The following NICOL1 variants were observed in gnomAD, a reference collection of about 807,000 sequenced individuals.
NICOL1 encodes the protein NELL2 interacting cell ontogeny regulator 1, also known as NELL2-interacting cell ontogeny regulator 1.
the NICOL1 span, chr4:2,042,039 C>T: frequency 3.4e-6 from 5 of 1,477,336 alleles, no homozygotes; most frequent in East Asian, 2.9e-5. Flanking sequence ...GGTGTCCCCG[C>T]GCTGCTGGTC....
At chr4:2,038,285 A>G in the NICOL1 span, among the ~76,000 whole-genome samples, 9 of 121,560 alleles carry the variant, frequency 7.4e-5, no homozygotes, top group Non-Finnish European at 1.4e-4. Flanking sequence ...ATATATATAT[A>G]AAATTAAAAT....
chr4:2,043,891 C>T, the NICOL1 span: 25 of 1,549,560 alleles, frequency 1.6e-5, no homozygotes, highest in East Asian at 4.9e-5. Context: ...GGCAGAGCGC[C>T]GTGCCCTGTG....
the NICOL1 span, among the ~76,000 whole-genome samples, chr4:2,037,868 A>C: frequency 0.038 from 5,751 of 151,690 alleles, 190 homozygotes; most frequent in Middle Eastern, 0.093. Flanking sequence ...TAGGTCTATT[A>C]ATACACATAA....
chr4:2,037,007 C>A, the NICOL1 span, among the ~76,000 whole-genome samples: 3 of 151,904 alleles, frequency 2.0e-5, no homozygotes. Context: ...GGAGGAGGGG[C>A]CTGGTGGGAG....
At chr4:2,039,239 C>G in the NICOL1 span, among the ~76,000 whole-genome samples, 1 of 151,866 alleles carries the variant, frequency 6.6e-6, no homozygotes, top group Admixed American at 6.6e-5. Flanking sequence ...CATGGTGACA[C>G]CCCATGTCTA....
chr4:2,042,786 C>T, the NICOL1 span: 1 of 1,517,998 alleles, frequency 6.6e-7, no homozygotes, highest in Admixed American at 2.0e-5. Flanking sequence ...GCGCGCCCTG[C>T]AGGACCTGCG....
the NICOL1 span, among the ~76,000 whole-genome samples, chr4:2,040,661 G>GC: frequency 1.3e-5 from 2 of 152,180 alleles, no homozygotes; most frequent in African/African-American, 4.8e-5. Flanking sequence ...ACTCGGGAGG[G>GC]CCGCTGCCTC....
chr4:2,040,626 G>C, the NICOL1 span, among the ~76,000 whole-genome samples: 2 of 152,288 alleles, frequency 1.3e-5, no homozygotes, highest in African/African-American at 4.8e-5. Context: ...GTGGAGAAGA[G>C]CGCGGAAGTG....
chr4:2,036,674 C>G, the NICOL1 span, among the ~76,000 whole-genome samples: 4 of 152,092 alleles, frequency 2.6e-5, no homozygotes, highest in Non-Finnish European at 5.9e-5. Flanking sequence ...GGGTATAACT[C>G]GGATCAGTTA....
At chr4:2,041,877 C>A in the NICOL1 span, 1 of 1,135,986 alleles carries the variant, frequency 8.8e-7, no homozygotes, top group Non-Finnish European at 1.2e-6. Flanking sequence ...CGGCCAGGGC[C>A]AGGCACACCC....
the NICOL1 span, among the ~76,000 whole-genome samples, chr4:2,036,597 C>T: frequency 7.2e-5 from 11 of 152,266 alleles, no homozygotes; most frequent in African/African-American, 2.6e-4. Flanking sequence ...TGAAGACAGA[C>T]GGAAGCTCCA....
chr4:2,040,402 G>C, the NICOL1 span, among the ~76,000 whole-genome samples: 2 of 152,364 alleles, frequency 1.3e-5, no homozygotes, highest in Middle Eastern at 6.8e-3. Flanking sequence ...GGGCGCGACT[G>C]TCCGTGGGCG....
At chr4:2,038,239 A>ATG in the NICOL1 span, among the ~76,000 whole-genome samples, 11 of 19,420 alleles carry the variant, frequency 5.7e-4, no homozygotes, top group South Asian at 4.6e-3. Context: ...ATCAGTGTGT[A>ATG]TATATATATA....
chr4:2,042,625 G>C, the NICOL1 span: 1 of 577,464 alleles, frequency 1.7e-6, no homozygotes, highest in Non-Finnish European at 2.9e-6. Flanking sequence ...TGGTGGCTTG[G>C]GGAGTGGGGA....
At chr4:2,042,193 G>A in the NICOL1 span, 7 of 1,437,280 alleles carry the variant, frequency 4.9e-6, no homozygotes, top group Non-Finnish European at 6.3e-6. Flanking sequence ...GGGGGCTCCC[G>A]GGCCCGGGGT....
the NICOL1 span, chr4:2,041,879 G>A: frequency 1.0e-5 from 12 of 1,161,132 alleles, no homozygotes; most frequent in Non-Finnish European, 1.3e-5. Context: ...GCCAGGGCCA[G>A]GCACACCCGA....
chr4:2,042,681 G>A, the NICOL1 span: 19 of 1,047,436 alleles, frequency 1.8e-5, no homozygotes, highest in East Asian at 5.6e-4. Flanking sequence ...GTGCGTGGGG[G>A]CCTTGCGGGT....
chr4:2,043,722 G>A, the NICOL1 span: 3 of 639,064 alleles, frequency 4.7e-6, no homozygotes, highest in African/African-American at 3.7e-5. Flanking sequence ...GGAGGCTCTG[G>A]GTGTGGGGGT....
chr4:2,042,072 A>G, the NICOL1 span: 5 of 1,481,684 alleles, frequency 3.4e-6, no homozygotes, highest in Non-Finnish European at 4.4e-6. Context: ...AACCGCGGTA[A>G]GGGCGGTGGT....
Sources: allele counts gnomAD v4.1 joint callset (sites outside exome capture counted in the v4.1 genomes callset), GRCh38; gene constraint gnomAD v4.1.1; transcripts MANE v1.5; gene names NCBI Gene and HGNC (gene_info 2026-07-23, HGNC 2026-07-21).